TMCO4: variants seen among roughly 807,000 people sequenced by gnomAD.
The protein encoded by TMCO4 is transmembrane and coiled-coil domains 4, also known as transmembrane and coiled-coil domain-containing protein 4.
In TMCO4, 58 loss-of-function variants were observed where a neutral mutation model predicts 64.7. That is an observed-to-expected ratio of 0.90 (90% CI 0.73 to 1.12). TMCO4 has a LOEUF of 1.12. TMCO4 is among the 50% of genes most tolerant of loss of function. The pLI is 0.00. For synonymous variants in TMCO4, 325 were observed against 346.1 expected (o/e 0.94, Z 0.68); for missense variants, 780 against 825.9 (o/e 0.94, Z 0.68).
At chr1:19,757,670 G>A (rs910315124) in intron 6 of TMCO4, among the ~76,000 whole-genome samples, 11 of 151,950 alleles carry the variant, frequency 7.2e-5, no homozygotes, top group Non-Finnish European at 1.2e-4. Flanking sequence ...GTCTGTGATC[G>A]CTTACACAGA....
chr1:19,752,576 A>C (rs2042066013), intron 7 of TMCO4, among the ~76,000 whole-genome samples: 2 of 151,998 alleles, frequency 1.3e-5, no homozygotes, highest in African/African-American at 4.8e-5. Context: ...TTGTGCTGAC[A>C]GATAGAGAGA....
chr1:19,767,134 T>C (rs949050964), intron 6 of TMCO4, among the ~76,000 whole-genome samples: 1 of 152,228 alleles, frequency 6.6e-6, no homozygotes, highest in Non-Finnish European at 1.5e-5. Context: ...GGGTAAAATC[T>C]GCCAACGTTT....
chr1:19,685,272 G>A (rs916147782), intron 15 of TMCO4, among the ~76,000 whole-genome samples: 1 of 152,226 alleles, frequency 6.6e-6, no homozygotes, highest in Non-Finnish European at 1.5e-5. Flanking sequence ...GCTGCAGTGA[G>A]CCCTGATTGT....
chr1:19,776,154 C>T (rs1300225339), intron 4 of TMCO4, among the ~76,000 whole-genome samples: 8 of 152,264 alleles, frequency 5.3e-5, no homozygotes, highest in East Asian at 3.9e-4. Context: ...GTGATCTGCC[C>T]GCCTCAGCAT....
chr1:19,778,252 T>G (rs1007173241), intron 4 of TMCO4, among the ~76,000 whole-genome samples: 3 of 80,072 alleles, frequency 3.7e-5, no homozygotes, highest in African/African-American at 1.7e-4. Flanking sequence ...TTATATTTAT[T>G]TATTTATTTA....
chr1:19,788,876 C>A (rs746638945), intron 2 of TMCO4, among the ~76,000 whole-genome samples: 1 of 151,710 alleles, frequency 6.6e-6, no homozygotes, highest in Non-Finnish European at 1.5e-5. Flanking sequence ...GAGATCAAGA[C>A]CATCCTGGCT....
chr1:19,759,716 A>T (rs1206017372), intron 6 of TMCO4, among the ~76,000 whole-genome samples: 1 of 152,160 alleles, frequency 6.6e-6, no homozygotes, highest in African/African-American at 2.4e-5. Flanking sequence ...TAGAGAAGCC[A>T]GCGGCTCCTG....
intron 4 of TMCO4, among the ~76,000 whole-genome samples, chr1:19,774,860 G>C (rs1465356362): frequency 1.3e-5 from 2 of 152,174 alleles, no homozygotes; most frequent in Non-Finnish European, 2.9e-5. Flanking sequence ...GATCCAGAGA[G>C]GTTAAGTGAC....
chr1:19,752,224 A>G (rs1385131172), intron 7 of TMCO4, among the ~76,000 whole-genome samples: 1 of 152,092 alleles, frequency 6.6e-6, no homozygotes, highest in Non-Finnish European at 1.5e-5. Flanking sequence ...TTTCCTTGGA[A>G]GTGAACACTC....
Position 19,700,823 on chromosome 1 carries a change from G to A in TMCO4, c.1327C>T (p.His443Tyr). Reference sequence around the variant, plus strand: ...ACCACCTTCCGGAAAGGCTCCCAATGCTTGGCTTCTCCCTCCACAGGCGCA... The same window carrying A: ...ACCACCTTCCGGAAAGGCTCCCAATACTTGGCTTCTCCCTCCACAGGCGCA... ...LGAPVEGEAKHWEPFRKVVSG... is the reference protein window; with the variant it reads ...LGAPVEGEAKYWEPFRKVVSG... Residue 443 changes from histidine to tyrosine, a missense_variant, in exon 14 of 16, where the codon CAT becomes TAT. By Grantham distance (83) the His-to-Tyr change is moderately conservative (BLOSUM62 2). Coordinates refer to ENST00000294543, the MANE Select transcript of TMCO4 (RefSeq NM_181719.7). The A allele has an allele frequency of 6.2e-7, 1 of 1,614,224 alleles. No individual in the cohort carries two copies. Among genetic ancestry groups the A allele is most frequent in the African/African-American group, 1.3e-5 (1 of 75,072 alleles).
At chr1:19,755,179 G>A (rs938959693) in intron 7 of TMCO4, among the ~76,000 whole-genome samples, 1 of 152,160 alleles carries the variant, frequency 6.6e-6, no homozygotes, top group African/African-American at 2.4e-5. Flanking sequence ...ACACTGGAGT[G>A]CAGTGGCACA....
intron 10 of TMCO4, 182 bp downstream of exon 10, chr1:19,745,350 A>G: frequency 2.2e-6 from 2 of 918,762 alleles, no homozygotes; most frequent in Non-Finnish European, 3.3e-6. Context: ...ATGGATGGCG[A>G]GATGATGGGC....
chr1:19,721,283 C>T (rs1157091754), intron 13 of TMCO4, among the ~76,000 whole-genome samples: 1 of 139,308 alleles, frequency 7.2e-6, no homozygotes, highest in Non-Finnish European at 1.5e-5. Flanking sequence ...CTCCTGCAGA[C>T]TATTCTCTCC....
At position 19,737,454 on chromosome 1, in the gene TMCO4, C is replaced by A; in HGVS notation, c.1182G>T (p.Gly394=). 1 of 1,613,876 alleles carries A rather than the reference C, an allele frequency of 6.2e-7. No individual in the cohort carries two copies. Among genetic ancestry groups the A allele is most frequent in the Non-Finnish European group, 8.5e-7 (1 of 1,179,884 alleles). ...LAHILLSRQQ[G]RRPVTLIGFS... ...AGCCAATCAAGGTGACAGGTCGTCG[C>A]CCCTGAAGGGAAAAAGGACACAGGT... is the stretch of plus-strand genomic sequence containing the variant. The change falls in exon 13 of 16, where the codon GGG becomes GGT. Residue 394 remains glycine, a splice_region_variant and synonymous_variant. Transcript: ENST00000294543.
At chr1:19,766,541 T>C (rs1477378180) in intron 6 of TMCO4, among the ~76,000 whole-genome samples, 1 of 152,078 alleles carries the variant, frequency 6.6e-6, no homozygotes, top group East Asian at 1.9e-4. Flanking sequence ...CTCCAGGGTT[T>C]TCCCATTTCA....
rs528669699 is a variant in TMCO4 at position 19,690,358 on chromosome 1, C to T, written c.1500+4076G>A. Among the ~76,000 whole-genome samples the T allele has an allele frequency of 9.8e-4, 149 of 152,334 alleles. 1 individual carries two copies. Among genetic ancestry groups the T allele is most frequent in the Non-Finnish European group, 1.9e-3 (127 of 68,040 alleles). On this transcript the variant is annotated intron_variant, in intron 15 of 15. Coordinates refer to ENST00000294543, the MANE Select transcript of TMCO4 (RefSeq NM_181719.7). ...AATACACCACCGTCTATTGGGCCGT[C>T]AATGGTGGAACTAAAACAGCTAATT...
chr1:19,728,358 G>A (rs1303414930), intron 13 of TMCO4, among the ~76,000 whole-genome samples: 1 of 152,240 alleles, frequency 6.6e-6, no homozygotes, highest in African/African-American at 2.4e-5. Flanking sequence ...GAGGGTGGAA[G>A]AGAATGTACA....
intron 6 of TMCO4, among the ~76,000 whole-genome samples, chr1:19,762,850 A>G (rs1037297084): frequency 1.3e-5 from 2 of 152,124 alleles, no homozygotes; most frequent in Non-Finnish European, 2.9e-5. Flanking sequence ...CTGCTGGGAG[A>G]GCCCACACCT....
At chr1:19,702,463 C>G (rs1231034799) in intron 13 of TMCO4, among the ~76,000 whole-genome samples, 1 of 151,668 alleles carries the variant, frequency 6.6e-6, no homozygotes, top group Non-Finnish European at 1.5e-5. Context: ...GTGGTGGTGG[C>G]AAAAGCCTGT....
Sources: allele counts gnomAD v4.1 joint callset (sites outside exome capture counted in the v4.1 genomes callset), GRCh38; gene constraint gnomAD v4.1.1; transcripts MANE v1.5; gene names NCBI Gene and HGNC (gene_info 2026-07-23, HGNC 2026-07-21).